Variants in STK31 observed in about 807,000 individuals in gnomAD.
STK31 encodes serine/threonine-protein kinase 31.
In STK31, 89 loss-of-function variants were observed where a neutral mutation model predicts 129.7. That is an observed-to-expected ratio of 0.69 (90% CI 0.58 to 0.82). The LOEUF is 0.82. Ranked by LOEUF, STK31 falls within the 40% of genes least tolerant of loss-of-function variation. The pLI, the probability that STK31 is intolerant of heterozygous loss-of-function variation, is 0.00. For synonymous variants in STK31, 448 were observed against 395.3 expected (o/e 1.13, Z -1.58); for missense variants, 1,187 against 1,176.4 (o/e 1.01, Z -0.13).
At chr7:23,715,436 T>A (rs1424084120) in intron 3 of STK31, among the ~76,000 whole-genome samples, 1 of 139,364 alleles carries the variant, frequency 7.2e-6, no homozygotes, top group East Asian at 2.1e-4. Context: ...TTGGCAACAG[T>A]AAGACCTTGT....
Position 23,790,879 on chromosome 7 carries a change from A to G in STK31, c.2693A>G (p.Glu898Gly), listed in dbSNP as rs772351518. Residue 898 changes from glutamate (E) to glycine (G), a missense_variant, in exon 22 of 24, where the codon GAG (glutamate) becomes GGG (glycine). Around this residue, in one of 5 missense-constraint regions of STK31, gnomAD observed 975 missense variants for 934.9 expected, o/e 1.04. Coordinates refer to ENST00000355870, the MANE Select transcript of STK31 (RefSeq NM_031414.5). Reference protein sequence around the residue: ...MVGDLSLMSPELKMGKPASPG... With the variant: ...MVGDLSLMSPGLKMGKPASPG... ...GGTGACTTGAGTTTGATGTCACCTGAGTTGAAAATGGGAAAACCTGCTTCT... is the reference window on the plus strand; with the variant it reads ...GGTGACTTGAGTTTGATGTCACCTGGGTTGAAAATGGGAAAACCTGCTTCT... 6.2e-7 allele frequency: 1 copy of G among 1,609,510 alleles called. No homozygotes were observed. The highest frequency in any genetic ancestry group is 8.5e-7 in the Non-Finnish European group (1 of 1,178,242).
intron 4 of STK31, chr7:23,726,548 T>C (rs1404561404): frequency 3.3e-5 from 5 of 150,926 alleles, no homozygotes; most frequent in African/African-American, 1.2e-4. Flanking sequence ...CTTGGAGAGG[T>C]TGAGTCAGCA....
At chr7:23,787,783 A>G (rs73689521) in intron 20 of STK31, among the ~76,000 whole-genome samples, 197 bp from the exon 21 acceptor site, 4 of 109,672 alleles carry the variant, frequency 3.6e-5, no homozygotes, top group African/African-American at 1.1e-4. Context: ...CACACACACA[A>G]ACACACACAG....
intron 1 of STK31, chr7:23,710,889 G>T: frequency 2.8e-6 from 2 of 724,674 alleles, no homozygotes; most frequent in South Asian, 6.2e-5. Flanking sequence ...GCTTTCCGTG[G>T]GAATATATAG....
In STK31 at chr7:23,832,120, C is replaced by T; in HGVS notation, c.2830-16C>T. 6.4e-7 allele frequency: 1 copy of T among 1,570,392 alleles called. No homozygotes were observed. Among genetic ancestry groups the T allele is most frequent in the East Asian group, 2.2e-5 (1 of 44,622 alleles). On this transcript the variant is annotated splice_polypyrimidine_tract_variant and intron_variant, in intron 23 of 23. Coordinates refer to ENST00000355870, the MANE Select transcript of STK31 (RefSeq NM_031414.5). ...CTTTTGTTCCTTTGTTTTGTAACAC[C>T]TGTTTTTCCTTGCAGGATGATAAAG...
rs556751014 is a variant in STK31 at position 23,832,317 on chromosome 7, A to G, written c.3011A>G (p.Asp1004Gly). ...GAAGAAATAAAGACGGAGAACTTGGATAAATGTATGGAGAAGACAAGAAAT... is the reference window on the plus strand; with the variant it reads ...GAAGAAATAAAGACGGAGAACTTGGGTAAATGTATGGAGAAGACAAGAAAT... ...KEEEIKTENL[D>G]KCMEKTRNGE... The change falls in exon 24 of 24, where the codon GAT (aspartate) becomes GGT (glycine). Residue 1004 changes from aspartate to glycine, a missense_variant. Around this residue, in one of 5 missense-constraint regions of STK31, gnomAD observed 975 missense variants for 934.9 expected, o/e 1.04. Transcript: ENST00000355870. 7 of 1,613,818 alleles carry G rather than the reference A, an allele frequency of 4.3e-6. 1 individual carries two copies. The South Asian group carries it at 6.6e-5, about 15-fold the overall frequency.
chr7:23,780,805 C>A (rs549631317), intron 15 of STK31, among the ~76,000 whole-genome samples: 2 of 152,258 alleles, frequency 1.3e-5, no homozygotes, highest in East Asian at 1.9e-4. Context: ...TCCTACTGAG[C>A]AAATTGTGAG....
chr7:23,793,255 G>A (rs970846484), intron 22 of STK31, among the ~76,000 whole-genome samples: 4 of 152,154 alleles, frequency 2.6e-5, no homozygotes, highest in African/African-American at 4.8e-5. Flanking sequence ...AGCTCAAAAT[G>A]TGTATCAGAC....
intron 8 of STK31, among the ~76,000 whole-genome samples, chr7:23,743,180 C>G (rs1270951746): frequency 6.6e-6 from 1 of 152,028 alleles, no homozygotes; most frequent in African/African-American, 2.4e-5. Flanking sequence ...TCTTGAATTC[C>G]TGACCTCAGG....
chr7:23,718,342 TG>T (rs1786478531), intron 4 of STK31, among the ~76,000 whole-genome samples: 1 of 152,190 alleles, frequency 6.6e-6, no homozygotes, highest in African/African-American at 2.4e-5. Context: ...TCTTTTTTAC[TG>T]AGTTATAACT....
At chr7:23,763,589 A>T (rs1789614049) in intron 11 of STK31, among the ~76,000 whole-genome samples, 1 of 150,564 alleles carries the variant, frequency 6.6e-6, no homozygotes. Context: ...TATGCTTTTG[A>T]TTGCTTTTAT....
At chr7:23,805,798 T>C (rs1047374637) in intron 22 of STK31, among the ~76,000 whole-genome samples, 1 of 152,210 alleles carries the variant, frequency 6.6e-6, no homozygotes, top group Non-Finnish European at 1.5e-5. Context: ...ATTTGTTAAT[T>C]TAAGGACATT....
Position 23,790,925 on chromosome 7 carries a change from T to C in STK31, c.2739T>C (p.Ala913=). The C allele has an allele frequency of 6.3e-7, 1 of 1,584,622 alleles. No homozygotes were observed. The highest frequency in any genetic ancestry group is 1.2e-5 in the South Asian group (1 of 84,548). ...CTTCTCCAGGTTCAGACTTATATGC[T>C]TATGGCTGCCTCTTATTATGGGTAT... ...KPASPGSDLY[A]YGCLLLWLSV... Residue 913 remains alanine, a synonymous_variant, in exon 22 of 24, where the codon GCT becomes GCC. Coordinates refer to ENST00000355870, the MANE Select transcript of STK31 (RefSeq NM_031414.5).
At chr7:23,743,849 G>C (rs1007125169) in intron 8 of STK31, among the ~76,000 whole-genome samples, 1 of 149,586 alleles carries the variant, frequency 6.7e-6, no homozygotes, top group African/African-American at 2.5e-5. Context: ...ATTTTTGATT[G>C]ACTGGGTTAG....
At chr7:23,794,062 A>C (rs1235966957) in intron 22 of STK31, among the ~76,000 whole-genome samples, 1 of 152,206 alleles carries the variant, frequency 6.6e-6, no homozygotes, top group African/African-American at 2.4e-5. Flanking sequence ...AAAACGATTG[A>C]ACTATAAATA....
chr7:23,738,197 C>A (rs774631556), intron 8 of STK31, among the ~76,000 whole-genome samples: 2 of 152,084 alleles, frequency 1.3e-5, no homozygotes, highest in Non-Finnish European at 2.9e-5. Flanking sequence ...GCTATACTTA[C>A]AGTTTTATTA....
intron 15 of STK31, among the ~76,000 whole-genome samples, chr7:23,774,804 T>G (rs1023884732): frequency 3.3e-5 from 5 of 152,104 alleles, no homozygotes; most frequent in South Asian, 2.1e-4. Flanking sequence ...GTCAATTTTG[T>G]CTTTTGTTGC....
chr7:23,791,275 T>C lies in STK31; in HGVS notation c.2760+329T>C, dbSNP rs1791597303. ...AATAAGCCTTGGGTATATTCCTGCT[T>C]CCAGTGTAGACCAAATAGCTGTTTC... On this transcript the variant is annotated intron_variant, in intron 22 of 23. Coordinates refer to ENST00000355870, the MANE Select transcript of STK31 (RefSeq NM_031414.5). 4.1e-6 allele frequency: 4 copies of C among 985,148 alleles called. No individual in the cohort carries two copies. In the South Asian group the frequency reaches 1.4e-4, roughly 35 times the overall value. The allele number at this position is 985,148 out of a possible 1,614,324, so 61.0% of individuals were successfully genotyped here.
rs1562560603 is a variant in STK31, at chr7:23,737,083, GTT to G, written c.1017+6_1017+7del. The G allele has an allele frequency of 5.6e-6, 9 of 1,595,756 alleles. No individual in the cohort carries two copies. The South Asian group carries it at 9.0e-5, about 16-fold the overall frequency. On this transcript the variant is annotated splice_donor_region_variant and intron_variant, in intron 8 of 23. Transcript: ENST00000355870. ...CAGATTGCCCAGGAGCTGCAGGTAT[GTT>G]CAGTGGCTTAAGGTGAAGAGTGTCC...
Sources: gnomAD v4.1 joint callset for allele counts (sites outside exome capture counted in the v4.1 genomes callset) on GRCh38, gnomAD v4.1.1 for gene constraint, gnomAD v4.1.1 regional missense constraint, MANE v1.5 for transcripts, NCBI Gene and HGNC (gene_info 2026-07-23, HGNC 2026-07-21) for gene names.